RPS6KA6: variants seen among roughly 807,000 people sequenced by gnomAD.
The protein encoded by RPS6KA6 is ribosomal protein S6 kinase A6, also known as ribosomal protein S6 kinase alpha-6.
A neutral mutation model predicts 65.4 loss-of-function variants in RPS6KA6; 27 were observed. The observed-to-expected ratio is 0.41, with a 90% CI of 0.30 to 0.57. The LOEUF is 0.57. Among genes scored for constraint, RPS6KA6 ranks in the 20% least tolerant of loss-of-function variants. The pLI, the probability that RPS6KA6 is intolerant of heterozygous loss-of-function variation, is 0.24. For missense variants in RPS6KA6, 486 were observed against 555.6 expected, an observed-to-expected ratio of 0.87 and a Z score of 1.26; for synonymous variants, 190 against 184.2, an observed-to-expected ratio of 1.03 and a Z score of -0.26.
At chrX:84,127,998 G>T in intron 8 of RPS6KA6, among the ~76,000 whole-genome samples, 1 of 111,128 alleles carries the variant, frequency 9.0e-6, no homozygotes, top group Admixed American at 9.6e-5. Context: ...GAAAGAAAAA[G>T]GGCATCCAAG....
chrX:84,065,031 A>G lies in RPS6KA6; in HGVS notation c.2052T>C (p.Thr684=). ...GATCATTTGGCAACTGGTCTCTGTGAGTTATCCATGAGTGCTTTAATATTT... is the reference window on the plus strand; with the variant it reads ...GATCATTTGGCAACTGGTCTCTGTGGGTTATCCATGAGTGCTTTAATATTT... ...AEQILKHSWI[T]HRDQLPNDQP... The change falls in exon 21 of 22, where the codon ACT becomes ACC. Residue 684 remains threonine (T), a synonymous_variant. Transcript: ENST00000262752. 8.3e-7 allele frequency: 1 copy of G among 1,202,313 alleles called. No individual in the cohort carries two copies.
intron 20 of RPS6KA6, among the ~76,000 whole-genome samples, chrX:84,085,628 A>G (rs527381230): frequency 7.2e-5 from 8 of 111,288 alleles, no homozygotes; most frequent in Non-Finnish European, 5.7e-5. Context: ...GGGATACTGA[A>G]CTGGAGTTAT....
intron 2 of RPS6KA6, 75 bp from the exon 3 acceptor site, chrX:84,156,266 T>G: frequency 1.8e-6 from 1 of 563,100 alleles, no homozygotes; most frequent in South Asian, 2.9e-5. Flanking sequence ...AAATCAGAAG[T>G]CATAATAGAA....
chrX:84,106,242 A>T, intron 15 of RPS6KA6, 123 bp downstream of exon 15: 1 of 598,631 alleles, frequency 1.7e-6, no homozygotes, highest in Non-Finnish European at 2.6e-6. Context: ...TAAGTCTCAG[A>T]GTTCTTTCTC....
rs1380781825 is a variant in RPS6KA6 at position 84,105,847 on chromosome X, T to A, written c.1395A>T (p.Ser465=). Residue 465 remains serine (S), a synonymous_variant, in exon 16 of 22, where the codon TCA becomes TCT. Transcript: ENST00000262752. ...AGCGCATCAATATTTCAATCTCTTC[T>A]GAAGGGTCTCGCTTACTTTTGTCAA... ...KIIDKSKRDP[S]EEIEILMRYG... The A allele has an allele frequency of 2.6e-6, 3 of 1,170,045 alleles. No individual in the cohort carries two copies. Among genetic ancestry groups the A allele is most frequent in the Non-Finnish European group, 3.5e-6 (3 of 863,667 alleles).
At position 84,061,369 on chromosome X, in the gene RPS6KA6, C is replaced by T. The variant is rs1234543888; in HGVS notation, c.*2908G>A. 1 of 111,769 alleles carries T rather than the reference C, an allele frequency of 8.9e-6. No individual in the cohort carries two copies. The highest frequency in any genetic ancestry group is 3.3e-5 in the African/African-American group (1 of 30,718). 9.2% of individuals were successfully genotyped at this position (111,769 alleles called of 1,213,427 possible). On this transcript the variant is annotated 3_prime_UTR_variant, in exon 22 of 22. Coordinates refer to ENST00000262752, the MANE Select transcript of RPS6KA6 (RefSeq NM_014496.5). ...GTGGGTTGCCTAAACATATGGAATCCCTTTGAGCCAAACAGAGGTGCTATC... is the reference window on the plus strand; with the variant it reads ...GTGGGTTGCCTAAACATATGGAATCTCTTTGAGCCAAACAGAGGTGCTATC...
intron 1 of RPS6KA6, among the ~76,000 whole-genome samples, chrX:84,173,864 T>C (rs770907317): frequency 9.0e-6 from 1 of 111,637 alleles, no homozygotes; most frequent in South Asian, 3.8e-4. Context: ...TGTGGAAAGA[T>C]CACTTTTAAA....
chrX:84,177,356 C>G (rs1282748767), intron 1 of RPS6KA6, among the ~76,000 whole-genome samples: 4 of 111,405 alleles, frequency 3.6e-5, no homozygotes, highest in African/African-American at 1.3e-4. Flanking sequence ...AGACACTCTT[C>G]TAAGTGCTTT....
intron 3 of RPS6KA6, among the ~76,000 whole-genome samples, 180 bp from the exon 4 acceptor site, chrX:84,148,303 C>G (rs371123058): frequency 9.1e-6 from 1 of 110,454 alleles, no homozygotes; most frequent in African/African-American, 3.3e-5. Flanking sequence ...CAAAATTACC[C>G]TGATCTGATC....
At chrX:84,104,023 C>CA (rs1255047735) in intron 17 of RPS6KA6, among the ~76,000 whole-genome samples, 1 of 110,185 alleles carries the variant, frequency 9.1e-6, no homozygotes, top group Non-Finnish European at 1.9e-5. Context: ...GGACAGGAAG[C>CA]AAAATAACAA....
chrX:84,109,641 T>C (rs181937149), intron 12 of RPS6KA6, among the ~76,000 whole-genome samples: 96 of 110,763 alleles, frequency 8.7e-4, no homozygotes, highest in African/African-American at 3.0e-3. Flanking sequence ...CCTTCTGAGA[T>C]CCCAGCCTCC....
chrX:84,064,914 A>G, intron 21 of RPS6KA6, 57 bp downstream of exon 21: 1 of 947,559 alleles, frequency 1.1e-6, no homozygotes, highest in Non-Finnish European at 1.5e-6. Flanking sequence ...AGTGGCACAC[A>G]ATGGGTTTAT....
intron 1 of RPS6KA6, among the ~76,000 whole-genome samples, chrX:84,165,906 A>C (rs2035590801): frequency 8.9e-6 from 1 of 111,851 alleles, no homozygotes; most frequent in African/African-American, 3.2e-5. Context: ...AACAGAATAA[A>C]GGGCCCATGG....
At chrX:84,120,923 C>T (rs773036584) in intron 8 of RPS6KA6, among the ~76,000 whole-genome samples, 11 of 111,905 alleles carry the variant, frequency 9.8e-5, no homozygotes, top group Non-Finnish European at 1.3e-4. Context: ...TATAAAGCTA[C>T]GGTAATCAAG....
rs373590069 is a variant in RPS6KA6, at chrX:84,156,105, G to A, written c.228C>T (p.Leu76=). 4 of 1,194,383 alleles carry A rather than the reference G, an allele frequency of 3.3e-6. No individual in the cohort carries two copies. Among genetic ancestry groups the A allele is most frequent in the Non-Finnish European group, 4.5e-6 (4 of 880,536 alleles). ...CAAATGACCCCTGACCAAGAACCTT[G>A]AGCAACTCAAACTGTGCAGGATCTG... ...EKADPAQFEL[L]KVLGQGSFGK... is the part of the protein sequence containing the mutation. The change falls in exon 3 of 22, where the codon CTC becomes CTT. Residue 76 remains leucine (L), a synonymous_variant. Coordinates refer to ENST00000262752, the MANE Select transcript of RPS6KA6 (RefSeq NM_014496.5).
chrX:84,098,194 C>G (rs531425589), intron 18 of RPS6KA6, among the ~76,000 whole-genome samples: 1 of 110,883 alleles, frequency 9.0e-6, no homozygotes, highest in African/African-American at 3.3e-5. Flanking sequence ...AGTAACTTAC[C>G]CAACATTACA....
At chrX:84,136,203 T>G (rs6622928) in intron 6 of RPS6KA6, among the ~76,000 whole-genome samples, 5,519 of 111,289 alleles carry the variant, frequency 0.05, 198 homozygotes, top group East Asian at 0.2. Context: ...AACTCCGGAT[T>G]GGCAAAATCA....
At chrX:84,085,848 A>G (rs907081567) in intron 20 of RPS6KA6, among the ~76,000 whole-genome samples, 5 of 111,676 alleles carry the variant, frequency 4.5e-5, no homozygotes, top group Admixed American at 1.9e-4. Flanking sequence ...CCTCAATTTC[A>G]TAACTCACAA....
At chrX:84,167,405 A>G (rs2035614723) in intron 1 of RPS6KA6, among the ~76,000 whole-genome samples, 1 of 112,213 alleles carries the variant, frequency 8.9e-6, no homozygotes, top group South Asian at 3.7e-4. Context: ...GATGAATCTT[A>G]AAAGCGTTTC....
Sources: gnomAD v4.1 joint callset for allele counts (sites outside exome capture counted in the v4.1 genomes callset) on GRCh38, gnomAD v4.1.1 for gene constraint, MANE v1.5 for transcripts, NCBI Gene and HGNC (gene_info 2026-07-23, HGNC 2026-07-21) for gene names.